SPOP: variants seen among roughly 807,000 people sequenced by gnomAD.
The protein encoded by SPOP is speckle-type POZ protein.
SPOP carries 11 observed loss-of-function variants against 45.6 expected under a neutral mutation model. That is an observed-to-expected ratio of 0.24 (90% CI 0.15 to 0.40). The LOEUF (loss-of-function observed/expected upper bound fraction) is 0.40. Ranked by LOEUF, SPOP falls within the 10% of genes least tolerant of loss-of-function variation. SPOP has a pLI of 1.00. For synonymous variants in SPOP, 166 were observed against 166.3 expected, an observed-to-expected ratio of 1.00 and a Z score of 0.01; for missense variants, 152 against 465.6, an observed-to-expected ratio of 0.33 and a Z score of 6.20.
intron 9 of SPOP, 54 bp downstream of exon 9, chr17:49,601,810 AT>A (rs2071744989): frequency 6.2e-7 from 1 of 1,602,530 alleles, no homozygotes; most frequent in Admixed American, 1.7e-5. Flanking sequence ...AGCCTTTCTC[AT>A]TTCTTCAGCT....
rs533265217 is a variant in SPOP, at chr17:49,666,493, A to C, written c.-67+11440T>G. ...CACACACACACACACACACACACAC[A>C]CCCATATAGGAACAATATAATAAAT... is the stretch of plus-strand genomic sequence containing the variant. On this transcript the variant is annotated intron_variant, in intron 1 of 9. Transcript: ENST00000504102. Among the ~76,000 whole-genome samples, 281 of 142,220 alleles carry C rather than the reference A, an allele frequency of 2.0e-3. No homozygotes were observed. In the South Asian group the frequency reaches 0.058, roughly 29 times the overall value. 93.3% of individuals were successfully genotyped at this position (142,220 alleles called of 152,430 possible).
chr17:49,677,227 T>A (rs1438698474), intron 1 of SPOP, among the ~76,000 whole-genome samples: 2 of 152,090 alleles, frequency 1.3e-5, no homozygotes, highest in African/African-American at 4.8e-5. Context: ...CTCCTAAATT[T>A]AGGGTAAGTT....
chr17:49,671,390 T>C (rs2073133614), intron 1 of SPOP, among the ~76,000 whole-genome samples: 1 of 151,704 alleles, frequency 6.6e-6, no homozygotes, highest in Non-Finnish European at 1.5e-5. Context: ...GAAGAAAATG[T>C]CATATACATA....
In SPOP at chr17:49,673,224, G is replaced by A. The variant is rs544146935; in HGVS notation, c.-67+4709C>T. Among the ~76,000 whole-genome samples, 10 of 152,204 alleles carry A rather than the reference G, an allele frequency of 6.6e-5. No individual in the cohort carries two copies. In the South Asian group the frequency reaches 8.3e-4, roughly 13 times the overall value. On this transcript the variant is annotated intron_variant, in intron 1 of 9. Transcript: ENST00000504102. Reference sequence around the variant, plus strand: ...TTTATATATTTAAATATATATGCACGGCTGGGCACGGTGGCTCACGCCTGT... The same window carrying A: ...TTTATATATTTAAATATATATGCACAGCTGGGCACGGTGGCTCACGCCTGT...
rs145609193 is a variant in SPOP, at chr17:49,674,210, G to A, written c.-67+3723C>T. ...TTGGTTTTGGTATCAGGGTAAGGCT[G>A]GCCTCATAGAATGAGTTTAAGAAGT... On this transcript the variant is annotated intron_variant, in intron 1 of 9. Coordinates refer to ENST00000504102, the MANE Select transcript of SPOP (RefSeq NM_001007228.2). 1.6e-4 allele frequency among the ~76,000 whole-genome samples: 24 copies of A among 152,258 alleles called. No homozygotes were observed. The East Asian group carries it at 4.0e-3, about 26-fold the overall frequency.
intron 1 of SPOP, among the ~76,000 whole-genome samples, chr17:49,663,856 A>G (rs962276927): frequency 3.9e-5 from 6 of 152,250 alleles, no homozygotes; most frequent in African/African-American, 7.2e-5. Flanking sequence ...AGGCTTCTAG[A>G]GAAAAACTAG....
rs2072031568 is a variant in SPOP at position 49,614,065 on chromosome 17, A to G, written c.481-2608T>C. Among the ~76,000 whole-genome samples, 5 of 152,242 alleles carry G rather than the reference A, an allele frequency of 3.3e-5. No homozygotes were observed. In the South Asian group the frequency reaches 1.0e-3, roughly 32 times the overall value. ...AAGTCAATCCTTTTCTTAAAAAAAC[A>G]AATTTCATAAAAAACTAAAGATTGT... On this transcript the variant is annotated intron_variant, in intron 5 of 9. Transcript: ENST00000504102.
intron 1 of SPOP, among the ~76,000 whole-genome samples, chr17:49,653,531 A>G (rs1039574521): frequency 1.7e-4 from 26 of 152,082 alleles, no homozygotes; most frequent in Non-Finnish European, 4.4e-5. Flanking sequence ...TACTGCAAAC[A>G]ATGTAGCAAA....
At chr17:49,644,605 A>C (rs1341479329) in intron 1 of SPOP, among the ~76,000 whole-genome samples, 1 of 152,222 alleles carries the variant, frequency 6.6e-6, no homozygotes, top group African/African-American at 2.4e-5. Flanking sequence ...AAACTGTGAA[A>C]TATTCATACT....
At chr17:49,646,519 C>CA (rs909446024) in intron 1 of SPOP, 2,350 of 109,950 alleles carry the variant, frequency 0.021, 25 homozygotes, top group African/African-American at 0.045. Flanking sequence ...GTGACCGTCT[C>CA]AAAAAAAAAA....
chr17:49,672,723 A>G (rs372964372), intron 1 of SPOP, among the ~76,000 whole-genome samples: 16 of 151,904 alleles, frequency 1.1e-4, no homozygotes, highest in South Asian at 8.3e-4. Flanking sequence ...GACGCAGGCC[A>G]ATCACTTGAG....
At chr17:49,672,952 A>C (rs2073155141) in intron 1 of SPOP, among the ~76,000 whole-genome samples, 1 of 152,096 alleles carries the variant, frequency 6.6e-6, no homozygotes, top group Non-Finnish European at 1.5e-5. Flanking sequence ...ATCTCGAAAA[A>C]AAAACAAAAA....
At chr17:49,666,582 C>T (rs976966163) in intron 1 of SPOP, among the ~76,000 whole-genome samples, 4 of 151,988 alleles carry the variant, frequency 2.6e-5, no homozygotes, top group Admixed American at 6.6e-5. Flanking sequence ...AATCCCAGTA[C>T]TTTGAAAGGC....
intron 1 of SPOP, among the ~76,000 whole-genome samples, chr17:49,631,328 T>C (rs2072447921): frequency 6.6e-6 from 1 of 152,176 alleles, no homozygotes; most frequent in Non-Finnish European, 1.5e-5. Flanking sequence ...AAATATACAT[T>C]TGTTTTAACA....
chr17:49,600,284 G>A lies in SPOP; in HGVS notation c.*94C>T. 1 of 1,526,974 alleles carries A rather than the reference G, an allele frequency of 6.5e-7. No individual in the cohort carries two copies. The highest frequency in any genetic ancestry group is 1.7e-5 in the Admixed American group (1 of 58,302). 94.6% of individuals were successfully genotyped at this position (1,526,974 alleles called of 1,614,324 possible). ...CTCTTCCCCTCACAACAGAGTAAAA[G>A]CTCCACAGATTGCGCTGTCTACCTG... On this transcript the variant is annotated 3_prime_UTR_variant, in exon 10 of 10. Transcript: ENST00000504102. This position sits in a 1 kb window ranked among gnomAD's most constrained non-coding sequence, Gnocchi z 4.2.
At chr17:49,661,945 G>A (rs779902313) in intron 1 of SPOP, among the ~76,000 whole-genome samples, 7 of 151,660 alleles carry the variant, frequency 4.6e-5, no homozygotes, top group African/African-American at 1.5e-4. Context: ...CTGGGAAGGC[G>A]GAGGTTGCGG....
In SPOP at chr17:49,605,591, G is replaced by A. The variant is rs527663193; in HGVS notation, c.837+1659C>T. Among the ~76,000 whole-genome samples, 235 of 152,292 alleles carry A rather than the reference G, an allele frequency of 1.5e-3. 1 individual carries two copies. The Middle Eastern group carries it at 0.017, about 11-fold the overall frequency. On this transcript the variant is annotated intron_variant, in intron 8 of 9. Transcript: ENST00000504102. ...TGTAATCTCAGCTACTCGGGAGGCTGAGGCAGGAGAACTGCTTGAACCTGG... is the reference window on the plus strand; with the variant it reads ...TGTAATCTCAGCTACTCGGGAGGCTAAGGCAGGAGAACTGCTTGAACCTGG...
intron 3 of SPOP, among the ~76,000 whole-genome samples, chr17:49,621,661 C>A (rs2072223618): frequency 6.6e-6 from 1 of 152,214 alleles, no homozygotes; most frequent in African/African-American, 2.4e-5. Context: ...AGTCACCAGT[C>A]ATTCCATTTA....
chr17:49,633,381 G>T (rs1293760350), intron 1 of SPOP, among the ~76,000 whole-genome samples: 1 of 152,172 alleles, frequency 6.6e-6, no homozygotes, highest in African/African-American at 2.4e-5. Context: ...TCAAGCCTCG[G>T]TGTGTGCTGG....
Sources: gnomAD v4.1 joint callset for allele counts (sites outside exome capture counted in the v4.1 genomes callset) on GRCh38, gnomAD v4.1.1 for gene constraint, Gnocchi (gnomAD v3.1) non-coding constraint, MANE v1.5 for transcripts, NCBI Gene and HGNC (gene_info 2026-07-23, HGNC 2026-07-21) for gene names.